MECOM: variants seen among roughly 807,000 people sequenced by gnomAD.
The protein encoded by MECOM is histone-lysine N-methyltransferase MECOM.
Under a neutral mutation model 116.3 loss-of-function variants are expected in MECOM, and 13 were observed. The observed-to-expected ratio is 0.11, with a 90% CI of 0.07 to 0.18. The LOEUF is 0.18. Ranked by LOEUF, MECOM falls within the 10% of genes least tolerant of loss-of-function variation. The pLI, the probability that MECOM is intolerant of heterozygous loss-of-function variation, is 1.00. For missense variants in MECOM, 1,299 were observed against 1,509.0 expected, an observed-to-expected ratio of 0.86 and a Z score of 2.31; for synonymous variants, 528 against 535.2, an observed-to-expected ratio of 0.99 and a Z score of 0.19.
At chr3:169,274,023 T>C (rs1362314563) in intron 2 of MECOM, among the ~76,000 whole-genome samples, 2 of 151,082 alleles carry the variant, frequency 1.3e-5, no homozygotes, top group Non-Finnish European at 2.9e-5. Context: ...GTGAGTCTCC[T>C]GCCTCAGCCT....
chr3:169,545,039 T>A (rs1037096117), intron 1 of MECOM, among the ~76,000 whole-genome samples: 34 of 152,094 alleles, frequency 2.2e-4, no homozygotes, highest in African/African-American at 7.2e-4. Context: ...AAGTAAAATT[T>A]AAAAAAAATT....
At position 169,115,831 on chromosome 3, in the gene MECOM, G is replaced by A; in HGVS notation, c.2041C>T (p.Leu681=). 6.2e-7 allele frequency: 1 copy of A among 1,614,046 alleles called. No individual in the cohort carries two copies. ...KYFGSTGLVG[L]QDKKVGALPY... ...AAAGCTCCAACTTTTTTGTCTTGCA[G>A]CCCCACCAGTCCTGTTGAACCAAAG... Residue 681 remains leucine (L), a synonymous_variant, in exon 8 of 17, where the codon CTG becomes TTG. Coordinates refer to ENST00000651503, the MANE Select transcript of MECOM (RefSeq NM_004991.4).
chr3:169,123,178 A>T (rs1182104240), intron 5 of MECOM, among the ~76,000 whole-genome samples: 1 of 151,684 alleles, frequency 6.6e-6, no homozygotes, highest in African/African-American at 2.4e-5. Context: ...ATACTCACTT[A>T]ACTGAAACAC....
intron 1 of MECOM, among the ~76,000 whole-genome samples, chr3:169,634,898 C>G (rs979034869): frequency 5.3e-5 from 8 of 151,998 alleles, no homozygotes; most frequent in Admixed American, 5.2e-4. Context: ...GCTTCTTAAT[C>G]ACTTTTTTAA....
At chr3:169,509,867 C>T (rs1344682037) in intron 1 of MECOM, among the ~76,000 whole-genome samples, 1 of 152,154 alleles carries the variant, frequency 6.6e-6, no homozygotes, top group East Asian at 1.9e-4. Context: ...GCCTGCTTTG[C>T]GATTCAGGAA....
chr3:169,445,759 G>A (rs868140931), intron 1 of MECOM, among the ~76,000 whole-genome samples: 6 of 152,318 alleles, frequency 3.9e-5, no homozygotes, highest in Middle Eastern at 3.4e-3. Context: ...GCAGTCAAGA[G>A]AGAGGCTCTA....
chr3:169,341,835 A>C (rs1724594085), intron 2 of MECOM, among the ~76,000 whole-genome samples: 1 of 152,156 alleles, frequency 6.6e-6, no homozygotes, highest in South Asian at 2.1e-4. Context: ...TTTTAAAATA[A>C]AAGAGTGTAA....
At chr3:169,535,099 C>T (rs1451250581) in intron 1 of MECOM, among the ~76,000 whole-genome samples, 1 of 152,190 alleles carries the variant, frequency 6.6e-6, no homozygotes, top group Non-Finnish European at 1.5e-5. Flanking sequence ...GCCAACTTTC[C>T]CTGAACTGCC....
At chr3:169,378,479 AAGAGAGAG>A (rs1300022142) in intron 2 of MECOM, among the ~76,000 whole-genome samples, 780 of 60,032 alleles carry the variant, frequency 0.013, 151 homozygotes, top group African/African-American at 0.058. Flanking sequence ...GCAAGCAAGA[AAGAGAGAG>A]AGAAAGAAAG....
intron 1 of MECOM, among the ~76,000 whole-genome samples, chr3:169,478,320 G>A (rs544216901): frequency 3.3e-5 from 5 of 152,192 alleles, no homozygotes; most frequent in East Asian, 1.9e-4. Context: ...TTCAATATGC[G>A]GTATGGTTTT....
intron 4 of MECOM, among the ~76,000 whole-genome samples, chr3:169,128,373 T>C (rs1733599651): frequency 6.6e-6 from 1 of 152,182 alleles, no homozygotes; most frequent in Non-Finnish European, 1.5e-5. Flanking sequence ...TTCTCAACCC[T>C]GTATGTGGAT....
intron 2 of MECOM, among the ~76,000 whole-genome samples, chr3:169,221,121 A>G (rs1752079407): frequency 6.6e-6 from 1 of 152,154 alleles, no homozygotes; most frequent in African/African-American, 2.4e-5. Context: ...TCTTTTTCTC[A>G]TCTGTAAAAT....
chr3:169,386,987 GC>G (rs1325214133), intron 1 of MECOM, among the ~76,000 whole-genome samples: 1 of 151,846 alleles, frequency 6.6e-6, no homozygotes, highest in Non-Finnish European at 1.5e-5. Flanking sequence ...TTTTAATTAG[GC>G]TTTCATGTCT....
intron 2 of MECOM, among the ~76,000 whole-genome samples, chr3:169,205,515 C>T (rs763944008): frequency 6.6e-6 from 1 of 152,140 alleles, no homozygotes; most frequent in African/African-American, 2.4e-5. Context: ...TTTGACATAA[C>T]ACCGGGATCC....
chr3:169,386,708 T>C (rs185748575), intron 1 of MECOM, among the ~76,000 whole-genome samples: 1 of 152,142 alleles, frequency 6.6e-6, no homozygotes, highest in African/African-American at 2.4e-5. Flanking sequence ...TTCCTTAACA[T>C]AAATTTTTAT....
At chr3:169,488,962 T>C (rs1752740617) in intron 1 of MECOM, among the ~76,000 whole-genome samples, 1 of 151,914 alleles carries the variant, frequency 6.6e-6, no homozygotes, top group South Asian at 2.1e-4. Flanking sequence ...TAAAATACCT[T>C]TTAAACTAAT....
At chr3:169,282,676 A>T (rs1404983717) in intron 2 of MECOM, among the ~76,000 whole-genome samples, 1 of 152,196 alleles carries the variant, frequency 6.6e-6, no homozygotes, top group Non-Finnish European at 1.5e-5. Context: ...CTTTGCCCTC[A>T]TTAAGAATGT....
At chr3:169,263,797 A>G (rs968841269) in intron 2 of MECOM, among the ~76,000 whole-genome samples, 1 of 152,140 alleles carries the variant, frequency 6.6e-6, no homozygotes, top group Non-Finnish European at 1.5e-5. Flanking sequence ...GGATGTAGGG[A>G]AAATATGAGC....
chr3:169,286,830 GAGA>G (rs889991470), intron 2 of MECOM, among the ~76,000 whole-genome samples: 1 of 152,006 alleles, frequency 6.6e-6, no homozygotes, highest in Non-Finnish European at 1.5e-5. Flanking sequence ...CCAACGCCCC[GAGA>G]AGAACCCAGA....
Sources: gnomAD v4.1 joint callset for allele counts (sites outside exome capture counted in the v4.1 genomes callset) on GRCh38, gnomAD v4.1.1 for gene constraint, MANE v1.5 for transcripts, NCBI Gene and HGNC (gene_info 2026-07-23, HGNC 2026-07-21) for gene names.